NBEAL1: variants seen among roughly 807,000 people sequenced by gnomAD.
The protein encoded by NBEAL1 is neurobeachin-like protein 1.
A neutral mutation model predicts 351.3 loss-of-function variants in NBEAL1; 273 were observed. The observed-to-expected ratio is 0.78, with a 90% CI of 0.70 to 0.86. The LOEUF is 0.86. Ranked by LOEUF, NBEAL1 falls within the 40% of genes least tolerant of loss-of-function variation. NBEAL1 has a pLI of 0.00. For synonymous variants in NBEAL1, 1,050 were observed against 1,086.4 expected (o/e 0.97, Z 0.66); for missense variants, 2,961 against 3,201.3 (o/e 0.92, Z 1.81).
chr2:203,034,009 C>T (rs1182335718), intron 2 of NBEAL1, among the ~76,000 whole-genome samples: 1 of 152,100 alleles, frequency 6.6e-6, no homozygotes, highest in Non-Finnish European at 1.5e-5. Flanking sequence ...CAGTATTTTT[C>T]ACAACTGTTG....
chr2:203,101,602 T>G (rs189085552), intron 12 of NBEAL1, among the ~76,000 whole-genome samples: 1 of 152,312 alleles, frequency 6.6e-6, no homozygotes, highest in Non-Finnish European at 1.5e-5. Context: ...TATGGTCATT[T>G]TTTTTCTCTT....
intron 17 of NBEAL1, among the ~76,000 whole-genome samples, chr2:203,115,762 A>G (rs565131653): frequency 1.3e-5 from 2 of 152,210 alleles, no homozygotes; most frequent in African/African-American, 4.8e-5. Context: ...TGTTAATACT[A>G]TATAAAAAAA....
Position 203,049,908 on chromosome 2 carries a change from G to C in NBEAL1, c.238G>C (p.Asp80His), listed in dbSNP as rs537028958. ...QLLQCVQKMA[D>H]GLEEQQQALS... is the part of the protein sequence containing the mutation. ...TCTACAGTGTGTTCAGAAAATGGCA[G>C]ATGGGTTAGAGGAACAACAGCAAGC... The change falls in exon 4 of 56, where the codon GAT becomes CAT. Residue 80 changes from aspartate to histidine, a missense_variant. Physicochemically the swap from Asp to His is moderately conservative, Grantham distance 81. Coordinates refer to ENST00000683969, the MANE Select transcript of NBEAL1 (RefSeq NM_001378026.1). 219 of 1,556,966 alleles carry C rather than the reference G, an allele frequency of 1.4e-4. 1 individual carries two copies. The highest frequency in any genetic ancestry group is 1.7e-4 in the Non-Finnish European group (198 of 1,148,540).
intron 33 of NBEAL1, among the ~76,000 whole-genome samples, chr2:203,146,132 T>C (rs534513626): frequency 6.6e-6 from 1 of 152,158 alleles, no homozygotes; most frequent in East Asian, 1.9e-4. Context: ...CACATAAATA[T>C]GACAACTTAA....
chr2:203,047,988 T>C (rs1357522020), intron 3 of NBEAL1, among the ~76,000 whole-genome samples: 1 of 151,950 alleles, frequency 6.6e-6, no homozygotes, highest in African/African-American at 2.4e-5. Context: ...TTGGCATAGG[T>C]TTCAACCAGG....
chr2:203,157,386 TTAA>T (rs2063823185), intron 35 of NBEAL1, among the ~76,000 whole-genome samples: 1 of 152,140 alleles, frequency 6.6e-6, no homozygotes. Flanking sequence ...TTCCTTTGAC[TTAA>T]TTATTGGCAA....
At chr2:203,139,710 G>A (rs1575030379) in intron 31 of NBEAL1, among the ~76,000 whole-genome samples, 1 of 151,128 alleles carries the variant, frequency 6.6e-6, no homozygotes, top group African/African-American at 2.4e-5. Context: ...GACTACGGGT[G>A]CCTGCCACTA....
At chr2:203,210,870 ATTAT>A (rs2065769143) in intron 53 of NBEAL1, 84 bp from the exon 54 acceptor site, 2 of 659,678 alleles carry the variant, frequency 3.0e-6, no homozygotes, top group Non-Finnish European at 4.8e-6. Context: ...AAGCCAAATA[ATTAT>A]TCTGTTATAG....
chr2:203,162,019 A>ATTTTTTTTTTT (rs780529337), intron 36 of NBEAL1, among the ~76,000 whole-genome samples: 4 of 107,226 alleles, frequency 3.7e-5, no homozygotes, highest in Non-Finnish European at 5.8e-5. Flanking sequence ...ATTTGATTTG[A>ATTTTTTTTTTT]TTTTTTTTTT....
chr2:203,173,080 A>G, intron 41 of NBEAL1, among the ~76,000 whole-genome samples: 1 of 152,182 alleles, frequency 6.6e-6, no homozygotes, highest in East Asian at 1.9e-4. Flanking sequence ...TTAAATTGAT[A>G]TTGCTCAGAA....
Sources: allele counts gnomAD v4.1 joint callset (sites outside exome capture counted in the v4.1 genomes callset), GRCh38; gene constraint gnomAD v4.1.1; transcripts MANE v1.5; gene names NCBI Gene and HGNC (gene_info 2026-07-23, HGNC 2026-07-21).